Variants in RFX2 observed in about 807,000 individuals in gnomAD.
RFX2 encodes DNA-binding protein RFX2.
Under a neutral mutation model 87.8 loss-of-function variants are expected in RFX2, and 20 were observed. That is an observed-to-expected ratio of 0.23 (90% CI 0.16 to 0.33). RFX2 has a LOEUF of 0.33. Among genes scored for constraint, RFX2 ranks in the 10% least tolerant of loss-of-function variants. The probability of loss-of-function intolerance (pLI) is 1.00; values close to 1 mark genes in which losing one functional copy is unlikely to be tolerated. For synonymous variants in RFX2, 397 were observed against 431.3 expected, an observed-to-expected ratio of 0.92 and a Z score of 0.98; for missense variants, 767 against 1,012.3, an observed-to-expected ratio of 0.76 and a Z score of 3.29.
chr19:5,995,614 C>T lies in RFX2; in HGVS notation c.2043G>A (p.Thr681=), dbSNP rs35225284. The part of the protein sequence containing the change: ...EFNDLASLSL[T]LLDKDDMGDE... ...AGACGCACCTACCTTTGTCGAGCAG[C>T]GTCAGCGACAGAGAGGCGAGATCGT... is the stretch of plus-strand genomic sequence containing the variant. The change falls in exon 17 of 18, where the codon ACG becomes ACA. Residue 681 remains threonine, a synonymous_variant. Transcript: ENST00000303657. 5.0e-5 allele frequency: 77 copies of T among 1,552,500 alleles called. 1 individual carries two copies. The highest frequency in any genetic ancestry group is 4.3e-4 in the South Asian group (36 of 84,098).
chr19:6,000,943 A>G (rs1461484530), intron 15 of RFX2, among the ~76,000 whole-genome samples: 1 of 152,124 alleles, frequency 6.6e-6, no homozygotes, highest in East Asian at 1.9e-4. Context: ...CACATTTTCC[A>G]TGTACTCAGG....
At position 6,044,328 on chromosome 19, in the gene RFX2, G is replaced by T; in HGVS notation, c.91-46C>A. ...GGCCAGTTAGACTTGTCAGAGGTCA[G>T]TGCTGAGGATACACACAGAATGTAA... On this transcript the variant is annotated intron_variant, in intron 2 of 17. Coordinates refer to ENST00000303657, the MANE Select transcript of RFX2 (RefSeq NM_000635.4). The surrounding 1 kb of genome is among the most constrained non-coding windows in gnomAD (Gnocchi z 5.3). 8.3e-7 allele frequency: 1 copy of T among 1,210,638 alleles called. No homozygotes were observed. Among genetic ancestry groups the T allele is most frequent in the South Asian group, 1.6e-5 (1 of 60,864 alleles). The allele number at this position is 1,210,638 out of a possible 1,614,324, so 75.0% of individuals were successfully genotyped here. A position where few individuals can be genotyped will look rare whatever the true frequency, so the allele number is the denominator to read the frequency against.
At chr19:6,091,403 G>C (rs1486601788) in intron 1 of RFX2, among the ~76,000 whole-genome samples, 3 of 150,016 alleles carry the variant, frequency 2.0e-5, no homozygotes, top group Non-Finnish European at 4.4e-5. Flanking sequence ...AGCCATGATC[G>C]CACCACCCCA....
rs554367794 is a variant in RFX2 at position 6,007,304 on chromosome 19, C to T, written c.1248-138G>A. 8.6e-6 allele frequency: 7 copies of T among 813,830 alleles called. No individual in the cohort carries two copies. The highest frequency in any genetic ancestry group is 7.1e-5 in the South Asian group (4 of 56,214). 50.4% of individuals were successfully genotyped at this position (813,830 alleles called of 1,614,324 possible). ...GGTTTTGCTCCCCATCCCTGAGCCT[C>T]GATGGGTCCCCTCCCTCCATGTTGC... On this transcript the variant is annotated intron_variant, in intron 11 of 17. Coordinates refer to ENST00000303657, the MANE Select transcript of RFX2 (RefSeq NM_000635.4). The surrounding 1 kb of genome is among the most constrained non-coding windows in gnomAD (Gnocchi z 8.2).
In RFX2 at chr19:6,013,099, G is replaced by A. The variant is rs372013501; in HGVS notation, c.786C>T (p.Asn262=). The A allele has an allele frequency of 7.6e-6, 12 of 1,587,944 alleles. No homozygotes were observed. Among genetic ancestry groups the A allele is most frequent in the Non-Finnish European group, 1.0e-5 (12 of 1,168,452 alleles). ...GAATCCCATAGTAATGGTACTTCGA[G>A]TTGCCCCTGGAAACCAAACATCCCA... is the stretch of plus-strand genomic sequence containing the variant. ...LRTRRLGTRG[N]SKYHYYGIRL... is the part of the protein sequence containing the mutation. The change falls in exon 8 of 18, where the codon AAC becomes AAT. Residue 262 remains asparagine (N), a synonymous_variant. Transcript: ENST00000303657. The surrounding 1 kb of genome is among the most constrained non-coding windows in gnomAD (Gnocchi z 4.1).
In RFX2 at chr19:6,020,061, C is replaced by T. The variant is rs1048051791; in HGVS notation, c.598-3790G>A. On this transcript the variant is annotated intron_variant, in intron 6 of 17. Coordinates refer to ENST00000303657, the MANE Select transcript of RFX2 (RefSeq NM_000635.4). The surrounding 1 kb of genome is among the most constrained non-coding windows in gnomAD (Gnocchi z 5.3). ...ACTGTCCTCCACAGGCAGCAGGAGC[C>T]AAGGCCAGTGACACCACATCTCAAG... The T allele has an allele frequency of 1.3e-5, 2 of 152,188 alleles. No individual in the cohort carries two copies. Among genetic ancestry groups the T allele is most frequent in the African/African-American group, 2.4e-5 (1 of 41,432 alleles). The allele number at this position is 152,188 out of a possible 1,614,324, so 9.4% of individuals were successfully genotyped here. A position where few individuals can be genotyped will look rare whatever the true frequency, so the allele number is the denominator to read the frequency against.
In RFX2 at chr19:6,039,944, G is replaced by A; in HGVS notation, c.522+36C>T. ...CTGCCGCTGCTTCGAGAATACTCAT[G>A]GCCTACCCTGCTGGTCCCAAGAGCC... On this transcript the variant is annotated intron_variant, in intron 5 of 17. Transcript: ENST00000303657. This position sits in a 1 kb window ranked among gnomAD's most constrained non-coding sequence, Gnocchi z 5.2. The A allele has an allele frequency of 6.6e-7, 1 of 1,511,554 alleles. No individual in the cohort carries two copies. Among genetic ancestry groups the A allele is most frequent in the South Asian group, 1.2e-5 (1 of 81,596 alleles). The allele number at this position is 1,511,554 out of a possible 1,614,324, so 93.6% of individuals were successfully genotyped here.
rs1369490466 is a variant in RFX2 at position 6,007,727 on chromosome 19, C to T, written c.1210G>A (p.Ala404Thr). 6.4e-7 allele frequency: 1 copy of T among 1,555,804 alleles called. No homozygotes were observed. The highest frequency in any genetic ancestry group is 8.7e-7 in the Non-Finnish European group (1 of 1,148,794). ...GAGGTGGGGCCGTCGCTGGAGGAGGCCTTAGAGTTCCAGAAGGAGAGCCAC... is the reference window on the plus strand; with the variant it reads ...GAGGTGGGGCCGTCGCTGGAGGAGGTCTTAGAGTTCCAGAAGGAGAGCCAC... ...KLWLSFWNSK[A>T]SSSDGPTSLP... Residue 404 changes from alanine (A) to threonine (T), a missense_variant, in exon 11 of 18, where the codon GCC becomes ACC. Coordinates refer to ENST00000303657, the MANE Select transcript of RFX2 (RefSeq NM_000635.4). The surrounding 1 kb of genome is among the most constrained non-coding windows in gnomAD (Gnocchi z 8.2).
In RFX2 at chr19:6,007,727, C is replaced by A. The variant is rs1369490466; in HGVS notation, c.1210G>T (p.Ala404Ser). The change falls in exon 11 of 18, where the codon GCC (alanine) becomes TCC (serine). Residue 404 changes from alanine (A) to serine (S), a missense_variant. Transcript: ENST00000303657. This position sits in a 1 kb window ranked among gnomAD's most constrained non-coding sequence, Gnocchi z 8.2. ...KLWLSFWNSK[A>S]SSSDGPTSLP... Reference sequence around the variant, plus strand: ...GAGGTGGGGCCGTCGCTGGAGGAGGCCTTAGAGTTCCAGAAGGAGAGCCAC... The same window carrying A: ...GAGGTGGGGCCGTCGCTGGAGGAGGACTTAGAGTTCCAGAAGGAGAGCCAC... 3 of 1,555,686 alleles carry A rather than the reference C, an allele frequency of 1.9e-6. No homozygotes were observed. Among genetic ancestry groups the A allele is most frequent in the Admixed American group, 1.9e-5 (1 of 51,900 alleles).
intron 1 of RFX2, among the ~76,000 whole-genome samples, chr19:6,097,085 G>GTAT (rs1258012916): frequency 6.6e-6 from 1 of 152,238 alleles, no homozygotes; most frequent in East Asian, 1.9e-4. Flanking sequence ...CCTATAGGAA[G>GTAT]TAGTGAGTAG....
At position 6,039,830 on chromosome 19, in the gene RFX2, G is replaced by T; in HGVS notation, c.522+150C>A. ...CCTATGGTTGCGTGGCCCGTCTGAG[G>T]CTGGCCCGACTCCATCGTGGGGCCG... On this transcript the variant is annotated intron_variant, in intron 5 of 17. Coordinates refer to ENST00000303657, the MANE Select transcript of RFX2 (RefSeq NM_000635.4). This position sits in a 1 kb window ranked among gnomAD's most constrained non-coding sequence, Gnocchi z 5.2. 1.1e-6 allele frequency: 1 copy of T among 911,184 alleles called. No individual in the cohort carries two copies. The highest frequency in any genetic ancestry group is 1.6e-6 in the Non-Finnish European group (1 of 630,202). The allele number at this position is 911,184 out of a possible 1,614,324, so 56.4% of individuals were successfully genotyped here. A position where few individuals can be genotyped will look rare whatever the true frequency, so the allele number is the denominator to read the frequency against.
At position 6,021,710 on chromosome 19, in the gene RFX2, G is replaced by A. The variant is rs764328832; in HGVS notation, c.597+4453C>T. 1.3e-5 allele frequency among the ~76,000 whole-genome samples: 2 copies of A among 152,246 alleles called. No homozygotes were observed. The highest frequency in any genetic ancestry group is 2.9e-5 in the Non-Finnish European group (2 of 68,050). The stretch of plus-strand genomic sequence containing the variant: ...CTGGAGCACAGTGAGGAGTGGGAGA[G>A]AGCGGGTCCTGCAGGGCCTTGTGGG... On this transcript the variant is annotated intron_variant, in intron 6 of 17. Transcript: ENST00000303657. This position sits in a 1 kb window ranked among gnomAD's most constrained non-coding sequence, Gnocchi z 5.7.
intron 1 of RFX2, among the ~76,000 whole-genome samples, chr19:6,072,384 T>C (rs893698097): frequency 1.9e-4 from 29 of 152,178 alleles, no homozygotes; most frequent in African/African-American, 7.0e-4. Flanking sequence ...GGAAAGCATG[T>C]TTCACTTCTG....
chr19:6,107,238 G>A (rs1439473169), intron 1 of RFX2, among the ~76,000 whole-genome samples: 3 of 151,868 alleles, frequency 2.0e-5, no homozygotes, highest in Non-Finnish European at 2.9e-5. Context: ...GGAGCTTGCA[G>A]TGAGCCGAGA....
rs1188413353 is a variant in RFX2 at position 5,994,058 on chromosome 19, G to C, written c.*777C>G. On this transcript the variant is annotated 3_prime_UTR_variant, in exon 18 of 18. Coordinates refer to ENST00000303657, the MANE Select transcript of RFX2 (RefSeq NM_000635.4). The stretch of plus-strand genomic sequence containing the variant: ...TGCTGCTGATAAAACTTCTGGTTTT[G>C]ATTTTTTGAAAGACACTGCTGTGTC... 3.9e-5 allele frequency: 6 copies of C among 152,248 alleles called. No individual in the cohort carries two copies. Among genetic ancestry groups the C allele is most frequent in the Non-Finnish European group, 5.9e-5 (4 of 68,060 alleles). The allele number at this position is 152,248 out of a possible 1,614,324, so 9.4% of individuals were successfully genotyped here.
intron 1 of RFX2, among the ~76,000 whole-genome samples, chr19:6,078,753 G>C (rs553880914): frequency 6.6e-6 from 1 of 152,304 alleles, no homozygotes; most frequent in African/African-American, 2.4e-5. Flanking sequence ...GTCCTTCCCA[G>C]GAGAATGTTA....
intron 7 of RFX2, among the ~76,000 whole-genome samples, chr19:6,015,058 T>A (rs182113935): frequency 8.5e-4 from 129 of 152,278 alleles, no homozygotes; most frequent in African/African-American, 3.0e-3. Flanking sequence ...TTGCCTGTGA[T>A]AAGTCTGTGG....
chr19:6,077,483 C>T (rs747891401), intron 1 of RFX2, among the ~76,000 whole-genome samples: 2 of 152,170 alleles, frequency 1.3e-5, no homozygotes, highest in Non-Finnish European at 2.9e-5. Flanking sequence ...TCAAGACTTA[C>T]GAGATGTTCA....
At position 6,007,948 on chromosome 19, in the gene RFX2, A is replaced by G. The variant is rs111267909; in HGVS notation, c.1135-146T>C. ...GCCACAGAGAGGAGAGGAGCAGGCG[A>G]TGGACATGGATGCGGAGGGGCTGCT... On this transcript the variant is annotated intron_variant, in intron 10 of 17. Transcript: ENST00000303657. The surrounding 1 kb of genome is among the most constrained non-coding windows in gnomAD (Gnocchi z 8.2). 7.7e-6 allele frequency: 6 copies of G among 777,922 alleles called. No individual in the cohort carries two copies. Among genetic ancestry groups the G allele is most frequent in the African/African-American group, 6.8e-5 (4 of 58,562 alleles). The allele number at this position is 777,922 out of a possible 1,614,324, so 48.2% of individuals were successfully genotyped here. A position where few individuals can be genotyped will look rare whatever the true frequency, so the allele number is the denominator to read the frequency against.
Sources: allele counts gnomAD v4.1 joint callset (sites outside exome capture counted in the v4.1 genomes callset), GRCh38; gene constraint gnomAD v4.1.1; non-coding constraint Gnocchi (gnomAD v3.1); transcripts MANE v1.5; gene names NCBI Gene and HGNC (gene_info 2026-07-23, HGNC 2026-07-21).